The following FHAD1 variants were observed in gnomAD, a reference collection of about 807,000 sequenced individuals.
FHAD1 encodes forkhead-associated domain-containing protein 1.
FHAD1 carries 146 observed loss-of-function variants against 191.3 expected under a neutral mutation model. The observed-to-expected ratio is 0.76, with a 90% CI of 0.67 to 0.88. The LOEUF (loss-of-function observed/expected upper bound fraction) is 0.88, where lower values mean the gene tolerates loss of function less well. Among genes scored for constraint, FHAD1 ranks in the 40% least tolerant of loss-of-function variants. The probability of loss-of-function intolerance (pLI) is 0.00; values close to 1 mark genes in which losing one functional copy is unlikely to be tolerated. For missense variants in FHAD1, 1,635 were observed against 1,785.8 expected (o/e 0.92, Z 1.52); for synonymous variants, 616 against 672.3 (o/e 0.92, Z 1.29).
chr1:15,310,792 T>C (rs1672036556), intron 7 of FHAD1, among the ~76,000 whole-genome samples: 2 of 152,136 alleles, frequency 1.3e-5, no homozygotes, highest in African/African-American at 2.4e-5. Flanking sequence ...CAGGTTCAGC[T>C]CCTGCTTCCA....
chr1:15,264,807 C>A (rs1375153266), intron 2 of FHAD1, among the ~76,000 whole-genome samples: 2 of 152,054 alleles, frequency 1.3e-5, no homozygotes, highest in African/African-American at 4.8e-5. Flanking sequence ...TAGCTATGAG[C>A]TTTTCACATA....
intron 1 of FHAD1, 23 bp from the exon 2 acceptor site, chr1:15,251,748 T>G: frequency 6.6e-7 from 1 of 1,511,944 alleles, no homozygotes. Context: ...TCTAACAAAA[T>G]TCTTTCTGAA....
chr1:15,362,651 A>G lies in FHAD1; in HGVS notation c.2972A>G (p.Glu991Gly). Residue 991 changes from glutamate (E) to glycine (G), a missense_variant, in exon 23 of 34, where the codon GAG becomes GGG. Glu to Gly is a moderately conservative substitution (Grantham distance 98, BLOSUM62 -2). Transcript: ENST00000688493. ...TGTCCCTCTGATACAGCCCCAAAGG[A>G]GGAAAGGCCGCAAGACCCTCTGGTG... ...TLKDNDPAPK[E>G]ERPQDPLVAP... is the part of the protein sequence containing the mutation. 1 of 1,551,734 alleles carries G rather than the reference A, an allele frequency of 6.4e-7. No homozygotes were observed. Among genetic ancestry groups the G allele is most frequent in the Non-Finnish European group, 8.7e-7 (1 of 1,146,936 alleles).
At chr1:15,398,784 CAA>C (rs5772639), downstream of FHAD1, among the ~76,000 whole-genome samples, 11 of 133,720 alleles carry the variant, frequency 8.2e-5, no homozygotes, top group Admixed American at 7.6e-5. Context: ...GCCAGGCAGC[CAA>C]AAAAAAAAAA....
At chr1:15,368,609 A>T (rs1214700328) in intron 25 of FHAD1, among the ~76,000 whole-genome samples, 2 of 152,168 alleles carry the variant, frequency 1.3e-5, no homozygotes, top group African/African-American at 4.8e-5. Flanking sequence ...CATAGTGGCT[A>T]AAGGAGCAGA....
intron 19 of FHAD1, among the ~76,000 whole-genome samples, chr1:15,350,228 G>A (rs912825040): frequency 3.3e-5 from 5 of 152,276 alleles, no homozygotes; most frequent in Admixed American, 6.5e-5. Flanking sequence ...ACAGACCAGG[G>A]CCAGGCTGCC....
At chr1:15,240,118 A>G (rs1645184976) in intron 1 of FHAD1, among the ~76,000 whole-genome samples, 1 of 152,228 alleles carries the variant, frequency 6.6e-6, no homozygotes, top group South Asian at 2.1e-4. Flanking sequence ...GTTACATAAG[A>G]TTATAACTTC....
At chr1:15,349,260 G>A (rs1370552587) in intron 19 of FHAD1, 111 bp downstream of exon 19, 1 of 811,770 alleles carries the variant, frequency 1.2e-6, no homozygotes, top group Non-Finnish European at 2.0e-6. Flanking sequence ...CCTTTGAAGT[G>A]GCCAAGATCT....
rs181147096 is a variant in FHAD1 at position 15,280,580 on chromosome 1, C to G, written c.300+8051C>G. Among the ~76,000 whole-genome samples, 171 of 152,210 alleles carry G rather than the reference C, an allele frequency of 1.1e-3. 1 individual carries two copies. Among genetic ancestry groups the G allele is most frequent in the African/African-American group, 3.9e-3 (161 of 41,522 alleles). On this transcript the variant is annotated intron_variant, in intron 3 of 33. Coordinates refer to ENST00000688493, the MANE Select transcript of FHAD1 (RefSeq NM_001391957.1). ...TCCTGGTGAAACAGAACACGGACGA[C>G]CCGGCCCAAAACCCCAGGGATCAAC...
At chr1:15,287,826 G>A (rs1273239814) in intron 3 of FHAD1, among the ~76,000 whole-genome samples, 2 of 152,116 alleles carry the variant, frequency 1.3e-5, no homozygotes, top group Non-Finnish European at 2.9e-5. Flanking sequence ...TGAGTGGAGA[G>A]CCCTCCTTTT....
At position 15,247,288 on chromosome 1, in the gene FHAD1, C is replaced by A. The variant is rs1297190634; in HGVS notation, c.-122C>A. 5.0e-6 allele frequency: 1 copy of A among 198,758 alleles called. No homozygotes were observed. Among genetic ancestry groups the A allele is most frequent in the South Asian group, 4.9e-5 (1 of 20,308 alleles). The allele number at this position is 198,758 out of a possible 1,614,324, so 12.3% of individuals were successfully genotyped here. ...CGGGGTGCCGGGTGCGAGCTGGAGA[C>A]TCCGCGGGAGCGCGGCCGGGAGGCT... On this transcript the variant is annotated 5_prime_UTR_variant, in exon 1 of 34. Coordinates refer to ENST00000688493, the MANE Select transcript of FHAD1 (RefSeq NM_001391957.1).
chr1:15,323,246 G>C (rs1203632804), intron 10 of FHAD1, among the ~76,000 whole-genome samples: 2 of 152,214 alleles, frequency 1.3e-5, no homozygotes, highest in African/African-American at 2.4e-5. Context: ...AAGGCCTGCT[G>C]TGTGGCAGTG....
chr1:15,259,053 T>C (rs1649738207), intron 2 of FHAD1, among the ~76,000 whole-genome samples: 1 of 152,200 alleles, frequency 6.6e-6, no homozygotes, highest in Non-Finnish European at 1.5e-5. Flanking sequence ...AGGGCTCCAG[T>C]CTCCCCACAT....
At chr1:15,275,107 T>C (rs1427487347) in intron 3 of FHAD1, among the ~76,000 whole-genome samples, 3 of 151,944 alleles carry the variant, frequency 2.0e-5, no homozygotes, top group African/African-American at 7.2e-5. Context: ...GGACTACAGG[T>C]GCCCACCACC....
At position 15,272,439 on chromosome 1, in the gene FHAD1, A is replaced by T. The variant is rs1557970033; in HGVS notation, c.210A>T (p.Gln70His). Residue 70 changes from glutamine (Q) to histidine (H), a missense_variant, in exon 3 of 34, where the codon CAA (glutamine) becomes CAT (histidine). Coordinates refer to ENST00000688493, the MANE Select transcript of FHAD1 (RefSeq NM_001391957.1). ...NGTFVNECHI[Q>H]NVAVKLIPGD... is the part of the protein sequence containing the mutation. ...CGTTTGTCAACGAGTGCCACATTCA[A>T]AACGTGGCTGTGAAGCTCATCCCTG... 6.4e-7 allele frequency: 1 copy of T among 1,551,580 alleles called. No homozygotes were observed. The highest frequency in any genetic ancestry group is 1.2e-5 in the South Asian group (1 of 84,040).
chr1:15,277,728 C>A (rs1658928095), intron 3 of FHAD1, among the ~76,000 whole-genome samples: 1 of 152,166 alleles, frequency 6.6e-6, no homozygotes, highest in Non-Finnish European at 1.5e-5. Context: ...GAAGAAAATG[C>A]AGTTTCAGAT....
chr1:15,296,539 C>T (rs1667041386), intron 4 of FHAD1, 145 bp from the exon 5 acceptor site: 1 of 802,272 alleles, frequency 1.2e-6, no homozygotes, highest in Non-Finnish European at 2.1e-6. Flanking sequence ...AGGCGTGAGC[C>T]ACAGCGCCCG....
chr1:15,273,823 C>T lies in FHAD1; in HGVS notation c.300+1294C>T, dbSNP rs78056220. On this transcript the variant is annotated intron_variant, in intron 3 of 33. Coordinates refer to ENST00000688493, the MANE Select transcript of FHAD1 (RefSeq NM_001391957.1). ...CATTGTGGCGCTGCTGTCACACCGT[C>T]GATCCACAGAACTCTTTTCATTTTG... Among the ~76,000 whole-genome samples the T allele has an allele frequency of 3.3e-3, 505 of 152,280 alleles. 22 individuals carry two copies. In the East Asian group the frequency reaches 0.083, roughly 25 times the overall value.
At chr1:15,315,211 TAAAGAG>T (rs1039251025) in intron 8 of FHAD1, 4 of 152,194 alleles carry the variant, frequency 2.6e-5, no homozygotes, top group Admixed American at 1.3e-4. Flanking sequence ...AGAGCAAAAT[TAAAGAG>T]AGAAGAGAAA....
Sources: gnomAD v4.1 joint callset for allele counts (sites outside exome capture counted in the v4.1 genomes callset) on GRCh38, gnomAD v4.1.1 for gene constraint, MANE v1.5 for transcripts, NCBI Gene and HGNC (gene_info 2026-07-23, HGNC 2026-07-21) for gene names.